Variants in TEX11 observed in about 807,000 individuals in gnomAD.
TEX11 encodes testis expressed 11.
In TEX11, 7 loss-of-function variants were observed where a neutral mutation model predicts 84.4. That is an observed-to-expected ratio of 0.08 (90% CI 0.05 to 0.16). The LOEUF (loss-of-function observed/expected upper bound fraction) is 0.16. Ranked by LOEUF, TEX11 falls within the 10% of genes least tolerant of loss-of-function variation. The pLI is 1.00. For missense variants in TEX11, 551 were observed against 660.5 expected (o/e 0.83, Z 1.82); for synonymous variants, 264 against 222.8 (o/e 1.18, Z -1.64).
chrX:70,544,846 A>AAC (rs2088097383), intron 28 of TEX11, among the ~76,000 whole-genome samples: 6 of 103,485 alleles, frequency 5.8e-5, no homozygotes, highest in Non-Finnish European at 5.9e-5. Context: ...CAAAAAAAAA[A>AAC]AAAAAAAAAA....
intron 28 of TEX11, among the ~76,000 whole-genome samples, chrX:70,536,173 T>A (rs957821406): frequency 1.8e-5 from 2 of 111,430 alleles, no homozygotes; most frequent in Non-Finnish European, 3.8e-5. Flanking sequence ...ACTTACTATG[T>A]GCTGCTATAA....
At chrX:70,644,667 C>T (rs1239405094) in intron 17 of TEX11, among the ~76,000 whole-genome samples, 1 of 91,404 alleles carries the variant, frequency 1.1e-5, no homozygotes, top group African/African-American at 4.0e-5. Context: ...TAAACTATCG[C>T]AAGAACAAAA....
At chrX:70,626,311 C>T (rs778138053) in intron 18 of TEX11, among the ~76,000 whole-genome samples, 1 of 110,760 alleles carries the variant, frequency 9.0e-6, no homozygotes, top group South Asian at 3.9e-4. Flanking sequence ...TTTACTTGTA[C>T]CACCCAGAGA....
intron 2 of TEX11, among the ~76,000 whole-genome samples, chrX:70,904,409 A>C (rs948142327): frequency 1.8e-5 from 2 of 112,034 alleles, no homozygotes; most frequent in African/African-American, 6.5e-5. Context: ...TGAAGAGTAT[A>C]TGGGAACTCT....
chrX:70,596,576 T>C (rs1198006169), intron 24 of TEX11, among the ~76,000 whole-genome samples: 1 of 110,215 alleles, frequency 9.1e-6, no homozygotes, highest in Non-Finnish European at 1.9e-5. Flanking sequence ...GATTAGAAAA[T>C]ATTTTGAGAT....
the TEX11 span, among the ~76,000 whole-genome samples, chrX:70,519,092 G>A: frequency 9.0e-6 from 1 of 111,558 alleles, no homozygotes; most frequent in East Asian, 2.8e-4. Flanking sequence ...TCTTTTAATT[G>A]GGGCATTTAG....
chrX:70,648,040 T>G (rs1459032780), intron 17 of TEX11, among the ~76,000 whole-genome samples: 2 of 111,790 alleles, frequency 1.8e-5, no homozygotes, highest in Non-Finnish European at 3.8e-5. Context: ...TAGACTGGAT[T>G]AAGAAAATGT....
At chrX:70,776,428 T>G in intron 9 of TEX11, among the ~76,000 whole-genome samples, 1 of 109,523 alleles carries the variant, frequency 9.1e-6, no homozygotes, top group Non-Finnish European at 1.9e-5. Flanking sequence ...CCAGGCGTGG[T>G]GGTGCACGCC....
chrX:70,899,872 G>T (rs1270605681), intron 2 of TEX11, among the ~76,000 whole-genome samples: 1 of 77,658 alleles, frequency 1.3e-5, no homozygotes, highest in East Asian at 3.9e-4. Context: ...AAAAAAAAAG[G>T]ACCAGGTGTG....
chrX:70,737,591 C>T (rs11795627), intron 11 of TEX11, among the ~76,000 whole-genome samples: 36,909 of 109,302 alleles, frequency 0.34, 5,720 homozygotes, highest in East Asian at 0.49. Flanking sequence ...AAAGAAGACA[C>T]GCTATATAAA....
chrX:70,541,858 A>T (rs1159965486), intron 28 of TEX11, among the ~76,000 whole-genome samples: 1 of 112,526 alleles, frequency 8.9e-6, no homozygotes, highest in Non-Finnish European at 1.9e-5. Context: ...ATTTTGATTT[A>T]AAAAAACTTG....
intron 9 of TEX11, among the ~76,000 whole-genome samples, chrX:70,779,318 GGGA>G (rs949880213): frequency 4.7e-5 from 5 of 105,754 alleles, no homozygotes; most frequent in Non-Finnish European, 7.7e-5. Flanking sequence ...GGGAGGCTGA[GGGA>G]GGAGAATTGC....
At chrX:70,819,555 A>C (rs1191361642) in intron 8 of TEX11, among the ~76,000 whole-genome samples, 2 of 111,283 alleles carry the variant, frequency 1.8e-5, no homozygotes, top group African/African-American at 6.5e-5. Flanking sequence ...CAACACTTCT[A>C]TTCAACATAG....
At chrX:70,756,063 C>A (rs1222099438) in intron 9 of TEX11, among the ~76,000 whole-genome samples, 2 of 111,971 alleles carry the variant, frequency 1.8e-5, no homozygotes, top group Non-Finnish European at 3.8e-5. Flanking sequence ...ATTGCTGAGG[C>A]TTGAGTAGGC....
chrX:70,838,849 G>C (rs2091422269), intron 7 of TEX11, among the ~76,000 whole-genome samples: 1 of 112,510 alleles, frequency 8.9e-6, no homozygotes, highest in Non-Finnish European at 1.9e-5. Context: ...CCCGCACATG[G>C]CTCAGAGGGT....
chrX:70,853,477 G>C, intron 5 of TEX11, 149 bp from the exon 6 acceptor site: 1 of 438,273 alleles, frequency 2.3e-6, no homozygotes, highest in Non-Finnish European at 3.9e-6. Flanking sequence ...ATTTGTTAGA[G>C]TTCTGTGTTC....
intron 16 of TEX11, among the ~76,000 whole-genome samples, chrX:70,655,162 TA>T (rs1463123520): frequency 2.7e-5 from 3 of 111,424 alleles, no homozygotes; most frequent in Non-Finnish European, 1.9e-5. Flanking sequence ...ATTCAAACCA[TA>T]AAGGGATATT....
chrX:70,841,942 A>G (rs1315893188), intron 7 of TEX11, among the ~76,000 whole-genome samples: 1 of 111,894 alleles, frequency 8.9e-6, no homozygotes, highest in Non-Finnish European at 1.9e-5. Context: ...AAGAAGTTGA[A>G]TCTCTGAATA....
At chrX:70,632,758 G>T (rs1261245304) in intron 17 of TEX11, among the ~76,000 whole-genome samples, 1 of 111,156 alleles carries the variant, frequency 9.0e-6, no homozygotes, top group Non-Finnish European at 1.9e-5. Flanking sequence ...AAAGGTTACA[G>T]GTGTTAAAAG....
Sources: allele counts gnomAD v4.1 joint callset (sites outside exome capture counted in the v4.1 genomes callset), GRCh38; gene constraint gnomAD v4.1.1; transcripts MANE v1.5; gene names NCBI Gene and HGNC (gene_info 2026-07-23, HGNC 2026-07-21).